CPLANE1: variants seen among roughly 807,000 people sequenced by gnomAD.
CPLANE1 encodes the protein ciliogenesis and planar polarity effector 1.
Under a neutral mutation model 362.5 loss-of-function variants are expected in CPLANE1, and 263 were observed. That is an observed-to-expected ratio of 0.73 (90% confidence interval 0.66 to 0.80). The LOEUF is 0.80. Among genes scored for constraint, CPLANE1 ranks in the 30% least tolerant of loss-of-function variants. The probability of loss-of-function intolerance (pLI) is 0.00; values close to 1 mark genes in which losing one functional copy is unlikely to be tolerated. For missense variants in CPLANE1, 3,461 were observed against 3,793.4 expected (o/e 0.91, Z 2.30); for synonymous variants, 1,212 against 1,302.6 (o/e 0.93, Z 1.50).
At chr5:37,171,190 A>G (rs1225489798) in intron 32 of CPLANE1, among the ~76,000 whole-genome samples, 4 of 152,226 alleles carry the variant, frequency 2.6e-5, no homozygotes, top group Non-Finnish European at 5.9e-5. Flanking sequence ...ATCTGTATTC[A>G]TTAAGATGAC....
At chr5:37,124,598 G>T (rs1763652577) in intron 47 of CPLANE1, among the ~76,000 whole-genome samples, 1 of 152,016 alleles carries the variant, frequency 6.6e-6, no homozygotes, top group African/African-American at 2.4e-5. Flanking sequence ...TGTCTCCCAG[G>T]CTGGAGTGCA....
chr5:37,168,331 A>G (rs1778856808), intron 34 of CPLANE1, among the ~76,000 whole-genome samples: 3 of 152,226 alleles, frequency 2.0e-5, no homozygotes, highest in African/African-American at 7.2e-5. Context: ...CACTCTACAC[A>G]CACATAAACA....
chr5:37,121,853 G>C, intron 48 of CPLANE1, 69 bp from the exon 49 acceptor site: 2 of 1,273,388 alleles, frequency 1.6e-6, no homozygotes, highest in Non-Finnish European at 2.2e-6. Context: ...AGGGAATATA[G>C]TGTTTGAAGA....
intron 8 of CPLANE1, among the ~76,000 whole-genome samples, chr5:37,232,765 A>C (rs1257578214): frequency 1.4e-5 from 2 of 148,058 alleles, no homozygotes; most frequent in Non-Finnish European, 3.0e-5. Flanking sequence ...GCTTGAGCCT[A>C]GAAGTTTGAG....
rs539728801 is a variant in CPLANE1, at chr5:37,234,196, C to A, written c.939-3147G>T. 7.2e-5 allele frequency among the ~76,000 whole-genome samples: 11 copies of A among 152,134 alleles called. 1 individual carries two copies. The South Asian group carries it at 2.1e-3, about 29-fold the overall frequency. ...ATAAGAAAAGCAAGGAGATATGACA[C>A]CACCAAAGGACCACAAAAATTGTCC... On this transcript the variant is annotated intron_variant, in intron 8 of 52. Coordinates refer to ENST00000651892, the MANE Select transcript of CPLANE1 (RefSeq NM_001384732.1).
intron 30 of CPLANE1, 25 bp from the exon 31 acceptor site, chr5:37,176,011 T>C (rs1781069304): frequency 6.7e-7 from 1 of 1,492,360 alleles, no homozygotes; most frequent in Non-Finnish European, 9.3e-7. Flanking sequence ...TAACAGGTGA[T>C]TAGTAAGCAA....
intron 19 of CPLANE1, among the ~76,000 whole-genome samples, chr5:37,200,797 T>G (rs935670071): frequency 6.6e-6 from 1 of 152,120 alleles, no homozygotes; most frequent in Non-Finnish European, 1.5e-5. Flanking sequence ...AAAAAAAACC[T>G]TTTAAAACAA....
chr5:37,076,611 G>A, the CPLANE1 span, among the ~76,000 whole-genome samples: 12 of 151,862 alleles, frequency 7.9e-5, no homozygotes, highest in Non-Finnish European at 1.2e-4. Flanking sequence ...CACACCTGGC[G>A]ATGTTGAACT....
At chr5:37,097,626 C>T in the CPLANE1 span, among the ~76,000 whole-genome samples, 4 of 152,262 alleles carry the variant, frequency 2.6e-5, no homozygotes, top group Admixed American at 1.3e-4. Flanking sequence ...ATACAAGGGA[C>T]GTCTCATCAG....
At chr5:37,212,443 T>C in intron 16 of CPLANE1, 2 of 728,740 alleles carry the variant, frequency 2.7e-6, no homozygotes, top group Non-Finnish European at 5.1e-6. Context: ...ATTTACTCCT[T>C]TGTAAATGTT....
In CPLANE1 at chr5:37,167,209, T is replaced by C. The variant is rs1367844401; in HGVS notation, c.7238A>G (p.Lys2413Arg). 6.2e-7 allele frequency: 1 copy of C among 1,607,684 alleles called. No homozygotes were observed. The highest frequency in any genetic ancestry group is 1.3e-5 in the African/African-American group (1 of 74,594). ...TTCAAGTGGGATAAGTTGTGTTTTTTTGCACTACAAGAAAGAAACAAAGCA... is the reference window on the plus strand; with the variant it reads ...TTCAAGTGGGATAAGTTGTGTTTTTCTGCACTACAAGAAAGAAACAAAGCA... ...HSHLSPENRC[K>R]KTQLIPLENL... Residue 2413 changes from lysine (K) to arginine (R), a missense_variant, in exon 35 of 53, where the codon AAA becomes AGA. Coordinates refer to ENST00000651892, the MANE Select transcript of CPLANE1 (RefSeq NM_001384732.1).
chr5:37,115,753 T>C (rs774876214), intron 50 of CPLANE1, among the ~76,000 whole-genome samples: 17 of 151,578 alleles, frequency 1.1e-4, no homozygotes, highest in Non-Finnish European at 2.5e-4. Flanking sequence ...CACACCACCA[T>C]GCCTGGCTAC....
At chr5:37,177,185 C>T (rs544053008) in intron 30 of CPLANE1, among the ~76,000 whole-genome samples, 4 of 152,226 alleles carry the variant, frequency 2.6e-5, no homozygotes, top group South Asian at 4.2e-4. Context: ...ATAAGCTAGC[C>T]GGCAGTGTAT....
intron 51 of CPLANE1, among the ~76,000 whole-genome samples, chr5:37,113,851 T>A (rs1455854226): frequency 1.3e-5 from 2 of 152,186 alleles, no homozygotes; most frequent in Admixed American, 6.5e-5. Flanking sequence ...TCTCACTCTG[T>A]CGCCAGGCTG....
At chr5:37,150,534 A>G (rs112717660) in intron 42 of CPLANE1, among the ~76,000 whole-genome samples, 6,969 of 151,898 alleles carry the variant, frequency 0.046, 550 homozygotes, top group African/African-American at 0.16. Context: ...GCACACACAC[A>G]CACACACAAC....
intron 2 of CPLANE1, 126 bp downstream of exon 2, chr5:37,247,492 C>T (rs527844871): frequency 1.8e-5 from 14 of 765,916 alleles, no homozygotes; most frequent in Middle Eastern, 3.2e-4. Context: ...AGGTGATCCT[C>T]CTGTAGATCC....
At chr5:37,091,809 T>C in the CPLANE1 span, among the ~76,000 whole-genome samples, 1 of 152,098 alleles carries the variant, frequency 6.6e-6, no homozygotes, top group Non-Finnish European at 1.5e-5. Flanking sequence ...AACCATACCA[T>C]GGTGTGGCTA....
At chr5:37,082,778 A>G in the CPLANE1 span, among the ~76,000 whole-genome samples, 2 of 151,980 alleles carry the variant, frequency 1.3e-5, no homozygotes, top group African/African-American at 4.8e-5. Context: ...AAAAAAAAAA[A>G]AAAGAAAAAA....
intron 50 of CPLANE1, among the ~76,000 whole-genome samples, chr5:37,119,876 A>G (rs1451000151): frequency 6.6e-6 from 1 of 151,558 alleles, no homozygotes; most frequent in African/African-American, 2.4e-5. Flanking sequence ...AATCCCAGGT[A>G]CTTGGGAGGC....
Sources: allele counts gnomAD v4.1 joint callset (sites outside exome capture counted in the v4.1 genomes callset), GRCh38; gene constraint gnomAD v4.1.1; transcripts MANE v1.5; gene names NCBI Gene and HGNC (gene_info 2026-07-23, HGNC 2026-07-21).